The following TRAPPC9 variants were observed in gnomAD, a reference collection of about 807,000 sequenced individuals.
The protein encoded by TRAPPC9 is trafficking protein particle complex subunit 9.
A neutral mutation model predicts 124.0 loss-of-function variants in TRAPPC9; 83 were observed. That is an observed-to-expected ratio of 0.67 (90% CI 0.56 to 0.80). The LOEUF is 0.80. Ranked by LOEUF, TRAPPC9 falls within the 30% of genes least tolerant of loss-of-function variation. TRAPPC9 has a pLI of 0.00. For synonymous variants in TRAPPC9, 638 were observed against 617.5 expected (o/e 1.03, Z -0.49); for missense variants, 1,302 against 1,508.3 (o/e 0.86, Z 2.27).
chr8:139,893,455 G>A (rs1228754623), intron 20 of TRAPPC9, among the ~76,000 whole-genome samples: 1 of 152,202 alleles, frequency 6.6e-6, no homozygotes, highest in African/African-American at 2.4e-5. Flanking sequence ...ATGCTCTTTC[G>A]AGCGTGATCC....
intron 17 of TRAPPC9, among the ~76,000 whole-genome samples, chr8:140,076,519 G>A (rs746983115): frequency 6.6e-6 from 1 of 152,230 alleles, no homozygotes; most frequent in Non-Finnish European, 1.5e-5. Flanking sequence ...AGAGCGCCAG[G>A]CCTCCCGAGC....
chr8:140,161,852 C>A (rs1236517130), intron 17 of TRAPPC9, among the ~76,000 whole-genome samples: 6 of 152,032 alleles, frequency 3.9e-5, no homozygotes, highest in Non-Finnish European at 8.8e-5. Flanking sequence ...CAGGGCGCTA[C>A]AGATGCAGAG....
intron 21 of TRAPPC9, among the ~76,000 whole-genome samples, chr8:139,791,535 C>T (rs1018900617): frequency 6.9e-6 from 1 of 145,884 alleles, no homozygotes; most frequent in Non-Finnish European, 1.5e-5. Context: ...CACAGGCACT[C>T]GTCTCTCCTG....
chr8:139,788,295 AG>A lies in TRAPPC9; in HGVS notation c.3056-56094del, dbSNP rs919803232. ...TGTCAGTGTATGTTGGAGGAGGGGAAGGGTGGTGGATTAATTTTAAAATTTA... is the reference window on the plus strand; with the variant it reads ...TGTCAGTGTATGTTGGAGGAGGGGAAGGTGGTGGATTAATTTTAAAATTTA... On this transcript the variant is annotated intron_variant, in intron 21 of 22. Transcript: ENST00000438773. This position sits in a 1 kb window ranked among gnomAD's most constrained non-coding sequence, Gnocchi z 4.9. 4.7e-4 allele frequency among the ~76,000 whole-genome samples: 72 copies of A among 152,264 alleles called. 1 individual carries two copies. Among genetic ancestry groups the A allele is most frequent in the African/African-American group, 1.7e-3 (72 of 41,560 alleles).
intron 17 of TRAPPC9, among the ~76,000 whole-genome samples, chr8:140,091,142 C>A (rs2130176685): frequency 6.6e-6 from 1 of 152,276 alleles, no homozygotes; most frequent in South Asian, 2.1e-4. Context: ...CAGTGAGACG[C>A]AATAGCTCAT....
At position 140,359,924 on chromosome 8, in the gene TRAPPC9, T is replaced by C. The variant is rs111946399; in HGVS notation, c.1495+126A>G. 2.2e-3 allele frequency: 2,994 copies of C among 1,381,966 alleles called. 37 individuals are homozygous for C. In the African/African-American group the frequency reaches 0.031, roughly 14 times the overall value. 85.6% of individuals were successfully genotyped at this position (1,381,966 alleles called of 1,614,324 possible). ...AGGCATGGGGCAGGGACCTTGTCAC[T>C]GACGAAGAGCTGGGCAGCATCTTCC... On this transcript the variant is annotated intron_variant, in intron 9 of 22. Transcript: ENST00000438773.
At chr8:140,281,990 G>A (rs113996360) in intron 14 of TRAPPC9, among the ~76,000 whole-genome samples, 63 of 152,234 alleles carry the variant, frequency 4.1e-4, no homozygotes, top group African/African-American at 1.1e-3. Flanking sequence ...TGATTATTCG[G>A]CGACTTGTCA....
intron 17 of TRAPPC9, among the ~76,000 whole-genome samples, chr8:140,129,587 G>C (rs2061167104): frequency 6.6e-6 from 1 of 152,228 alleles, no homozygotes; most frequent in Non-Finnish European, 1.5e-5. Context: ...GCAGGGGGCA[G>C]TAGAGGCGAT....
At chr8:139,916,794 C>G (rs534254996) in intron 19 of TRAPPC9, among the ~76,000 whole-genome samples, 56 of 152,346 alleles carry the variant, frequency 3.7e-4, no homozygotes, top group African/African-American at 1.3e-3. Context: ...AGGGAAGTCA[C>G]AATGACATTT....
At chr8:140,081,584 G>C (rs1843823261) in intron 17 of TRAPPC9, among the ~76,000 whole-genome samples, 1 of 152,120 alleles carries the variant, frequency 6.6e-6, no homozygotes, top group African/African-American at 2.4e-5. Context: ...GACCTCAGGT[G>C]ATCCGCCCAC....
At chr8:140,035,225 T>C (rs1840800865) in intron 17 of TRAPPC9, among the ~76,000 whole-genome samples, 1 of 152,274 alleles carries the variant, frequency 6.6e-6, no homozygotes, top group South Asian at 2.1e-4. Flanking sequence ...GGCACTCATT[T>C]AGTTATGAGA....
At chr8:140,134,480 G>A (rs549407005) in intron 17 of TRAPPC9, among the ~76,000 whole-genome samples, 7 of 152,196 alleles carry the variant, frequency 4.6e-5, no homozygotes, top group Admixed American at 4.6e-4. Flanking sequence ...CAGCCAGGCT[G>A]GTCTCGAACT....
chr8:139,926,608 A>T (rs1337346081), intron 19 of TRAPPC9, among the ~76,000 whole-genome samples: 3 of 36,576 alleles, frequency 8.2e-5, no homozygotes, highest in Non-Finnish European at 1.7e-4. Context: ...GAATTAAAAT[A>T]AAAAAAAAAA....
chr8:139,789,669 T>A (rs2130591134), intron 21 of TRAPPC9, among the ~76,000 whole-genome samples: 1 of 152,252 alleles, frequency 6.6e-6, no homozygotes, highest in East Asian at 1.9e-4. Flanking sequence ...TGTTCCTGGC[T>A]CTTTGCTCCC....
intron 19 of TRAPPC9, among the ~76,000 whole-genome samples, chr8:139,922,116 C>A (rs1197887732): frequency 6.6e-6 from 1 of 151,860 alleles, no homozygotes; most frequent in Non-Finnish European, 1.5e-5. Flanking sequence ...TTACTGTTCG[C>A]AACAATCACA....
chr8:140,045,631 GAAAAAAAAA>G (rs57243402), intron 17 of TRAPPC9, among the ~76,000 whole-genome samples: 21 of 33,262 alleles, frequency 6.3e-4, no homozygotes, highest in African/African-American at 1.3e-3. Context: ...CATCTCGGCA[GAAAAAAAAA>G]AAAAAAAAAA....
At chr8:139,846,819 G>A (rs1002116838) in intron 21 of TRAPPC9, among the ~76,000 whole-genome samples, 1 of 152,200 alleles carries the variant, frequency 6.6e-6, no homozygotes, top group African/African-American at 2.4e-5. Flanking sequence ...CTGTGGAGGA[G>A]GCCCAGGGTG....
chr8:140,025,727 T>C (rs1368400993), intron 17 of TRAPPC9, among the ~76,000 whole-genome samples: 1 of 152,170 alleles, frequency 6.6e-6, no homozygotes, highest in Admixed American at 6.5e-5. Context: ...AATTCCTTTC[T>C]CCCCTGCAAC....
chr8:140,165,101 C>T (rs1051540293), intron 17 of TRAPPC9, among the ~76,000 whole-genome samples: 5 of 152,134 alleles, frequency 3.3e-5, no homozygotes, highest in Non-Finnish European at 7.4e-5. Context: ...CTAGGCTGGG[C>T]GCACTGGCTC....
Sources: allele counts gnomAD v4.1 joint callset (sites outside exome capture counted in the v4.1 genomes callset), GRCh38; gene constraint gnomAD v4.1.1; non-coding constraint Gnocchi (gnomAD v3.1); transcripts MANE v1.5; gene names NCBI Gene and HGNC (gene_info 2026-07-23, HGNC 2026-07-21).